The following HABP4 variants were observed in gnomAD, a reference collection of about 807,000 sequenced individuals.
HABP4 encodes intracellular hyaluronan-binding protein 4.
In HABP4, 32 loss-of-function variants were observed where a neutral mutation model predicts 44.1. That is an observed-to-expected ratio of 0.73 (90% CI 0.55 to 0.97). The LOEUF (loss-of-function observed/expected upper bound fraction) is 0.97, where lower values mean the gene tolerates loss of function less well. Among genes scored for constraint, HABP4 ranks in the 50% least tolerant of loss-of-function variants. HABP4 has a pLI of 0.00. For missense variants in HABP4, 503 were observed against 561.9 expected (o/e 0.90, Z 1.06); for synonymous variants, 216 against 218.0 (o/e 0.99, Z 0.08).
At chr9:96,481,435 A>G (rs1832878667) in intron 5 of HABP4, among the ~76,000 whole-genome samples, 2 of 152,018 alleles carry the variant, frequency 1.3e-5, no homozygotes, top group African/African-American at 4.8e-5. Flanking sequence ...TTCTCGTACT[A>G]TAGCACTCAA....
At chr9:96,475,067 A>G (rs1248472087) in intron 5 of HABP4, among the ~76,000 whole-genome samples, 2 of 152,020 alleles carry the variant, frequency 1.3e-5, no homozygotes, top group African/African-American at 4.8e-5. Context: ...GACTCTTTGT[A>G]TTTTGTTTTA....
In HABP4 at chr9:96,451,490, G is replaced by C. The variant is rs985360925; in HGVS notation, c.349+862G>C. 5.1e-6 allele frequency: 5 copies of C among 984,436 alleles called. No individual in the cohort carries two copies. In the African/African-American group the frequency reaches 7.0e-5, roughly 14 times the overall value. 61.0% of individuals were successfully genotyped at this position (984,436 alleles called of 1,614,324 possible). On this transcript the variant is annotated intron_variant, in intron 1 of 7. Coordinates refer to ENST00000375249, the MANE Select transcript of HABP4 (RefSeq NM_014282.4). The stretch of plus-strand genomic sequence containing the variant: ...AAATGAGGCAGCGGTCCCAAGGTTT[G>C]CAGAGTGTTAGGATTAAGATGTGTA...
chr9:96,471,015 G>A lies in HABP4; in HGVS notation c.748G>A (p.Val250Met). The A allele has an allele frequency of 1.3e-6, 2 of 1,587,508 alleles. No homozygotes were observed. Among genetic ancestry groups the A allele is most frequent in the Non-Finnish European group, 1.7e-6 (2 of 1,155,800 alleles). ...GAGGGTCTTGCTGTTTTTCAGTGAT[G>A]TGGAGCCAACTGCACCGATGGAGGA... ...TWGSGKDTSD[V>M]EPTAPMEEPT... The change falls in exon 5 of 8, where the codon GTG becomes ATG. Residue 250 changes from valine (V) to methionine (M), a missense_variant. This residue lies in a region of HABP4 where 131 missense variants were observed against 189.8 expected (regional missense o/e 0.69). Coordinates refer to ENST00000375249, the MANE Select transcript of HABP4 (RefSeq NM_014282.4).
chr9:96,468,538 C>T (rs1285629956), intron 4 of HABP4, among the ~76,000 whole-genome samples: 4 of 152,222 alleles, frequency 2.6e-5, no homozygotes, highest in South Asian at 2.1e-4. Context: ...GGATTATAGA[C>T]GTGAGCCACC....
Position 96,457,290 on chromosome 9 carries a change from G to A in HABP4, c.350-1089G>A, listed in dbSNP as rs574604602. Reference sequence around the variant, plus strand: ...CGGGAGGCGGAGGTTGCAGTGAGCCGAGATCGGGCCATTGCACTCCAGCCT... The same window carrying A: ...CGGGAGGCGGAGGTTGCAGTGAGCCAAGATCGGGCCATTGCACTCCAGCCT... On this transcript the variant is annotated intron_variant, in intron 1 of 7. Transcript: ENST00000375249. Among the ~76,000 whole-genome samples the A allele has an allele frequency of 5.9e-5, 9 of 151,652 alleles. 1 individual carries two copies. The South Asian group carries it at 1.9e-3, about 32-fold the overall frequency.
At chr9:96,467,791 G>A (rs921454468) in intron 4 of HABP4, among the ~76,000 whole-genome samples, 5 of 152,102 alleles carry the variant, frequency 3.3e-5, no homozygotes, top group African/African-American at 7.2e-5. Context: ...CTCCCAAAGC[G>A]CTGGGATTAC....
At chr9:96,451,904 G>C (rs1029394591) in intron 1 of HABP4, among the ~76,000 whole-genome samples, 5 of 152,034 alleles carry the variant, frequency 3.3e-5, no homozygotes, top group African/African-American at 1.2e-4. Context: ...AATTGAGGAA[G>C]GCTAAGCTTT....
chr9:96,450,393 G>T lies in HABP4; in HGVS notation c.114G>T (p.Pro38=). 1 of 1,271,150 alleles carries T rather than the reference G, an allele frequency of 7.9e-7. No individual in the cohort carries two copies. The highest frequency in any genetic ancestry group is 1.0e-6 in the Non-Finnish European group (1 of 971,378). The allele number at this position is 1,271,150 out of a possible 1,614,324, so 78.7% of individuals were successfully genotyped here. A position where few individuals can be genotyped will look rare whatever the true frequency, so the allele number is the denominator to read the frequency against. The part of the protein sequence containing the change: ...FHQLLDDESD[P]FDILREAERR... ...AGCTGCTGGACGACGAGTCGGACCC[G>T]TTCGACATCCTGCGCGAGGCCGAGC... Residue 38 remains proline, a synonymous_variant, in exon 1 of 8, where the codon CCG becomes CCT. Transcript: ENST00000375249. The surrounding 1 kb of genome is among the most constrained non-coding windows in gnomAD (Gnocchi z 4.8).
chr9:96,464,913 G>C (rs909900961), intron 2 of HABP4, among the ~76,000 whole-genome samples: 1 of 152,082 alleles, frequency 6.6e-6, no homozygotes, highest in Non-Finnish European at 1.5e-5. Flanking sequence ...TAAAGATTTG[G>C]TATTAGAACA....
At chr9:96,455,600 T>C (rs10991242) in intron 1 of HABP4, among the ~76,000 whole-genome samples, 45,441 of 134,514 alleles carry the variant, frequency 0.34, 8,888 homozygotes, top group African/African-American at 0.59. Context: ...CCCATCTCTA[T>C]TAAAACTACA....
chr9:96,460,856 T>A (rs1362845348), intron 2 of HABP4, among the ~76,000 whole-genome samples: 3 of 152,220 alleles, frequency 2.0e-5, no homozygotes, highest in Non-Finnish European at 4.4e-5. Context: ...AATCTTGATA[T>A]CAGAAAACAT....
At chr9:96,478,673 T>G (rs1186557658) in intron 5 of HABP4, among the ~76,000 whole-genome samples, 1 of 151,894 alleles carries the variant, frequency 6.6e-6, no homozygotes, top group Non-Finnish European at 1.5e-5. Flanking sequence ...TTTTTTTCTT[T>G]TTTTAGAGAC....
rs1374893034 is a variant in HABP4 at position 96,490,878 on chromosome 9, AG to A, written c.*841del. 6.6e-6 allele frequency: 1 copy of A among 152,220 alleles called. No individual in the cohort carries two copies. Among genetic ancestry groups the A allele is most frequent in the East Asian group, 1.9e-4 (1 of 5,194 alleles). The allele number at this position is 152,220 out of a possible 1,614,324, so 9.4% of individuals were successfully genotyped here. A position where few individuals can be genotyped will look rare whatever the true frequency, so the allele number is the denominator to read the frequency against. ...GGCCTCTGCCCTCGGCTTGAGCAAAAGTTGTAAATAACTAGTATTTATTAAG... is the reference window on the plus strand; with the variant it reads ...GGCCTCTGCCCTCGGCTTGAGCAAAATTGTAAATAACTAGTATTTATTAAG... On this transcript the variant is annotated 3_prime_UTR_variant, in exon 8 of 8. Transcript: ENST00000375249.
At chr9:96,451,541 C>CCAGT in intron 1 of HABP4, 1 of 877,484 alleles carries the variant, frequency 1.1e-6, no homozygotes, top group Non-Finnish European at 1.4e-6. Context: ...CCGACGTTTG[C>CCAGT]CAGTGTGTTC....
chr9:96,489,757 G>A (rs909080955), intron 7 of HABP4, among the ~76,000 whole-genome samples: 3 of 152,230 alleles, frequency 2.0e-5, no homozygotes, highest in Admixed American at 1.3e-4. Flanking sequence ...CTTGCAGGAC[G>A]TAGGAAGGGA....
In HABP4 at chr9:96,458,451, A is replaced by G. The variant is rs892979897; in HGVS notation, c.422A>G (p.Glu141Gly). Residue 141 changes from glutamate to glycine, a missense_variant, in exon 2 of 8, where the codon GAA becomes GGA. By Grantham distance (98) the Glu-to-Gly change is moderately conservative. This residue lies in a region of HABP4 where 290 missense variants were observed against 300.5 expected (regional missense o/e 0.97). Transcript: ENST00000375249. Reference sequence around the variant, plus strand: ...AGCCGTGGGCCGGAGGGGATGCTCGAAAGAGCTGAGCGGAGATCCTACAGG... The same window carrying G: ...AGCCGTGGGCCGGAGGGGATGCTCGGAAGAGCTGAGCGGAGATCCTACAGG... ...NDSRGPEGMLERAERRSYREY... is the reference protein window; with the variant it reads ...NDSRGPEGMLGRAERRSYREY... 6.2e-7 allele frequency: 1 copy of G among 1,613,536 alleles called. No individual in the cohort carries two copies. The highest frequency in any genetic ancestry group is 1.7e-5 in the Admixed American group (1 of 59,980).
At chr9:96,477,492 T>C (rs1253869738) in intron 5 of HABP4, among the ~76,000 whole-genome samples, 1 of 152,226 alleles carries the variant, frequency 6.6e-6, no homozygotes, top group East Asian at 1.9e-4. Context: ...TTCACAGTGT[T>C]ATACCTGCTA....
intron 5 of HABP4, among the ~76,000 whole-genome samples, chr9:96,476,983 C>T (rs1349484462): frequency 1.3e-5 from 2 of 152,224 alleles, no homozygotes; most frequent in Non-Finnish European, 2.9e-5. Context: ...ATCTGAATTA[C>T]ACTATATGCT....
chr9:96,464,657 G>A (rs78346598), intron 2 of HABP4, among the ~76,000 whole-genome samples: 4,403 of 152,266 alleles, frequency 0.029, 226 homozygotes, highest in African/African-American at 0.1. Context: ...AAGTCAGGAA[G>A]ATTGGTGGCC....
Sources: gnomAD v4.1 joint callset for allele counts (sites outside exome capture counted in the v4.1 genomes callset) on GRCh38, gnomAD v4.1.1 for gene constraint, gnomAD v4.1.1 regional missense constraint, Gnocchi (gnomAD v3.1) non-coding constraint, MANE v1.5 for transcripts, NCBI Gene and HGNC (gene_info 2026-07-23, HGNC 2026-07-21) for gene names.